Variants in ADAM12 observed in about 807,000 individuals in gnomAD.
ADAM12 encodes ADAM metallopeptidase domain 12, also known as disintegrin and metalloproteinase domain-containing protein 12.
In ADAM12, 70 loss-of-function variants were observed where a neutral mutation model predicts 106.4. The observed-to-expected ratio is 0.66, with a 90% CI of 0.54 to 0.80. ADAM12 has a LOEUF of 0.80. Among genes scored for constraint, ADAM12 ranks in the 30% least tolerant of loss-of-function variants. ADAM12 has a pLI of 0.00. For missense variants in ADAM12, 1,010 were observed against 1,171.9 expected (o/e 0.86, Z 2.02); for synonymous variants, 420 against 433.5 (o/e 0.97, Z 0.39).
intron 1 of ADAM12, among the ~76,000 whole-genome samples, chr10:126,333,907 GA>G (rs1025477452): frequency 6.6e-6 from 1 of 152,208 alleles, no homozygotes; most frequent in African/African-American, 2.4e-5. Flanking sequence ...CAACCTTTTT[GA>G]GAAATTGAGT....
chr10:126,294,657 G>C (rs11244939), intron 2 of ADAM12, among the ~76,000 whole-genome samples: 23,284 of 152,120 alleles, frequency 0.15, 2,247 homozygotes, highest in Non-Finnish European at 0.22. Context: ...AACAGAGGAA[G>C]AGTCAAGACA....
intron 3 of ADAM12, among the ~76,000 whole-genome samples, chr10:126,207,104 G>A (rs923157047): frequency 1.3e-5 from 2 of 152,164 alleles, no homozygotes; most frequent in African/African-American, 4.8e-5. Context: ...AAATTGTCCA[G>A]TCTTGGGTAT....
At chr10:126,080,664 G>A (rs1955194637) in intron 11 of ADAM12, among the ~76,000 whole-genome samples, 1 of 152,024 alleles carries the variant, frequency 6.6e-6, no homozygotes, top group Admixed American at 6.6e-5. Flanking sequence ...TTAACTACCA[G>A]GGACACTTGA....
chr10:126,075,895 G>A (rs1955091190), intron 11 of ADAM12, among the ~76,000 whole-genome samples: 1 of 152,206 alleles, frequency 6.6e-6, no homozygotes, highest in Non-Finnish European at 1.5e-5. Context: ...TATGGGCCAG[G>A]CACTGGGAAT....
chr10:126,134,745 A>G (rs1956373617), intron 5 of ADAM12, among the ~76,000 whole-genome samples: 2 of 152,220 alleles, frequency 1.3e-5, no homozygotes, highest in African/African-American at 4.8e-5. Flanking sequence ...AAGACGTCAC[A>G]GGAACTGCTG....
At chr10:126,040,613 T>C (rs1954143394) in intron 18 of ADAM12, among the ~76,000 whole-genome samples, 1 of 152,214 alleles carries the variant, frequency 6.6e-6, no homozygotes, top group Admixed American at 6.5e-5. Flanking sequence ...GCATTGCTTC[T>C]GGTTTCCTGG....
At chr10:126,067,975 A>G (rs1470275185) in intron 12 of ADAM12, among the ~76,000 whole-genome samples, 1 of 152,236 alleles carries the variant, frequency 6.6e-6, no homozygotes, top group Non-Finnish European at 1.5e-5. Flanking sequence ...TATCCTATGT[A>G]AAACTCTAAT....
At chr10:126,138,029 G>A (rs1040228376) in intron 4 of ADAM12, among the ~76,000 whole-genome samples, 17 of 152,098 alleles carry the variant, frequency 1.1e-4, no homozygotes, top group Non-Finnish European at 2.1e-4. Context: ...TTACACGAGG[G>A]CTCTAATTTC....
chr10:126,096,328 A>G (rs1955558407), intron 10 of ADAM12, among the ~76,000 whole-genome samples: 2 of 152,256 alleles, frequency 1.3e-5, no homozygotes, highest in Admixed American at 1.3e-4. Flanking sequence ...ATCAATGATT[A>G]TAAACAGAAT....
At chr10:126,380,768 G>A (rs1856460732) in intron 1 of ADAM12, among the ~76,000 whole-genome samples, 1 of 152,224 alleles carries the variant, frequency 6.6e-6, no homozygotes, top group African/African-American at 2.4e-5. Context: ...GACAATTAAA[G>A]AGCATGGACA....
At chr10:126,125,570 A>G (rs535695311) in intron 5 of ADAM12, among the ~76,000 whole-genome samples, 1 of 152,026 alleles carries the variant, frequency 6.6e-6, no homozygotes, top group Non-Finnish European at 1.5e-5. Context: ...TTTAATATTT[A>G]CAGCAATCCT....
intron 9 of ADAM12, among the ~76,000 whole-genome samples, chr10:126,099,685 A>C (rs1457610916): frequency 6.6e-6 from 1 of 152,194 alleles, no homozygotes; most frequent in African/African-American, 2.4e-5. Flanking sequence ...GGGTAGGGGC[A>C]GGGGGGAACC....
intron 3 of ADAM12, among the ~76,000 whole-genome samples, chr10:126,232,675 C>T (rs752203807): frequency 2.0e-5 from 3 of 152,170 alleles, no homozygotes; most frequent in Non-Finnish European, 4.4e-5. Context: ...TTTCATCAGT[C>T]TTTTTCTCTT....
At chr10:126,320,467 G>C (rs1854057393) in intron 2 of ADAM12, among the ~76,000 whole-genome samples, 1 of 152,108 alleles carries the variant, frequency 6.6e-6, no homozygotes, top group Admixed American at 6.5e-5. Context: ...GGAAAGAATA[G>C]GAGGATTTAA....
At chr10:126,116,913 G>C (rs1056969104) in intron 6 of ADAM12, among the ~76,000 whole-genome samples, 1 of 152,110 alleles carries the variant, frequency 6.6e-6, no homozygotes, top group Non-Finnish European at 1.5e-5. Flanking sequence ...AATGAACCAA[G>C]AATAATATTC....
At chr10:126,136,308 T>C (rs1189149510) in intron 4 of ADAM12, among the ~76,000 whole-genome samples, 1 of 152,210 alleles carries the variant, frequency 6.6e-6, no homozygotes, top group African/African-American at 2.4e-5. Flanking sequence ...ACTTCCTTAG[T>C]GAAGACAGAT....
chr10:126,038,487 C>T (rs1039507346), intron 19 of ADAM12, 138 bp from the exon 20 acceptor site: 3 of 605,104 alleles, frequency 5.0e-6, no homozygotes, highest in East Asian at 3.1e-5. Flanking sequence ...GAAAAATTAC[C>T]TAATAACACT....
At chr10:126,232,335 G>T (rs1336976351) in intron 3 of ADAM12, among the ~76,000 whole-genome samples, 1 of 152,102 alleles carries the variant, frequency 6.6e-6, no homozygotes, top group Non-Finnish European at 1.5e-5. Context: ...GCTTCTAAAA[G>T]CTAAAAAAGT....
intron 3 of ADAM12, among the ~76,000 whole-genome samples, chr10:126,182,816 A>G (rs1468036211): frequency 1.3e-5 from 2 of 152,228 alleles, no homozygotes; most frequent in Non-Finnish European, 1.5e-5. Flanking sequence ...GGGGATTTAC[A>G]TAAACATAAG....
Sources: gnomAD v4.1 joint callset for allele counts (sites outside exome capture counted in the v4.1 genomes callset) on GRCh38, gnomAD v4.1.1 for gene constraint, MANE v1.5 for transcripts, NCBI Gene and HGNC (gene_info 2026-07-23, HGNC 2026-07-21) for gene names.